Variants in WDR62 observed in about 807,000 individuals in gnomAD.
WDR62 encodes the protein WD repeat domain 62, also known as WD repeat-containing protein 62.
In WDR62, 112 loss-of-function variants were observed where a neutral mutation model predicts 160.6. The observed-to-expected ratio is 0.70, with a 90% CI of 0.60 to 0.82. WDR62 has a LOEUF of 0.82. WDR62 is among the 40% of genes least tolerant of loss of function. The probability of loss-of-function intolerance (pLI) is 0.00; values close to 1 mark genes in which losing one functional copy is unlikely to be tolerated. For missense variants in WDR62, 1,819 were observed against 1,983.8 expected (o/e 0.92, Z 1.58); for synonymous variants, 792 against 815.1 (o/e 0.97, Z 0.48).
chr19:36,068,764 C>A (rs1334246370), intron 7 of WDR62, among the ~76,000 whole-genome samples: 2 of 152,254 alleles, frequency 1.3e-5, no homozygotes, highest in Non-Finnish European at 2.9e-5. Context: ...TCTTTCTACA[C>A]AGACACAGCA....
chr19:36,078,155 T>G (rs913514797), intron 9 of WDR62, among the ~76,000 whole-genome samples: 8 of 151,450 alleles, frequency 5.3e-5, no homozygotes, highest in Non-Finnish European at 1.0e-4. Flanking sequence ...TTTTTTTGTT[T>G]TTTTTTTTTT....
intron 3 of WDR62, among the ~76,000 whole-genome samples, chr19:36,065,040 G>T (rs968455534): frequency 2.0e-5 from 3 of 152,182 alleles, no homozygotes; most frequent in Non-Finnish European, 4.4e-5. Flanking sequence ...ATTTCAGGAA[G>T]TCCCACACAG....
At chr19:36,110,467 G>A in the WDR62 span, among the ~76,000 whole-genome samples, 3 of 151,942 alleles carry the variant, frequency 2.0e-5, no homozygotes, top group Admixed American at 6.6e-5. Flanking sequence ...GTGAAACTCC[G>A]TCTCAAAAAA....
intron 21 of WDR62, among the ~76,000 whole-genome samples, chr19:36,097,425 TA>T (rs1482240486): frequency 2.0e-5 from 3 of 152,118 alleles, no homozygotes; most frequent in African/African-American, 4.8e-5. Context: ...AGAAGGAAAA[TA>T]CGTCAGCCAG....
In WDR62 at chr19:36,105,053, C is replaced by T. The variant is rs965379326; in HGVS notation, c.*25C>T. 4.4e-6 allele frequency: 7 copies of T among 1,587,390 alleles called. No homozygotes were observed. The highest frequency in any genetic ancestry group is 5.1e-6 in the Non-Finnish European group (6 of 1,173,650). ...AGGGCGCAGCCCCTCCACCGCAGCCCTGCTGCTTCTGAGGACTTAGGTATT... is the reference window on the plus strand; with the variant it reads ...AGGGCGCAGCCCCTCCACCGCAGCCTTGCTGCTTCTGAGGACTTAGGTATT... On this transcript the variant is annotated 3_prime_UTR_variant, in exon 32 of 32. Transcript: ENST00000401500.
chr19:36,066,475 A>G, intron 5 of WDR62, 48 bp downstream of exon 5: 1 of 1,555,406 alleles, frequency 6.4e-7, no homozygotes, highest in Non-Finnish European at 8.7e-7. Context: ...CTGCCACAGC[A>G]TCCTATGTCT....
rs1349554131 is a variant in WDR62, at chr19:36,055,111, G to A, written c.140G>A (p.Arg47Gln). 1.2e-6 allele frequency: 2 copies of A among 1,606,868 alleles called. No homozygotes were observed. The highest frequency in any genetic ancestry group is 2.2e-5 in the East Asian group (1 of 44,536). The change falls in exon 1 of 32, where the codon CGA (arginine) becomes CAA (glutamine). Residue 47 changes from arginine to glutamine, a missense_variant. Physicochemically the swap from Arg to Gln is conservative, Grantham distance 43. Coordinates refer to ENST00000401500, the MANE Select transcript of WDR62 (RefSeq NM_001083961.2). ...CCAATCTGCCTACGGCGGCGGACGCGACTCTCGACGGCCTCCGAGGAGACG... is the reference window on the plus strand; with the variant it reads ...CCAATCTGCCTACGGCGGCGGACGCAACTCTCGACGGCCTCCGAGGAGACG... ...APPICLRRRT[R>Q]LSTASEETVQ...
intron 10 of WDR62, among the ~76,000 whole-genome samples, chr19:36,082,523 G>A (rs534998618): frequency 6.6e-6 from 1 of 152,296 alleles, no homozygotes; most frequent in African/African-American, 2.4e-5. Flanking sequence ...TGCCCTGCAG[G>A]TGCACCTTTA....
In WDR62 at chr19:36,081,536, C is replaced by T. The variant is rs1421748965; in HGVS notation, c.1337C>T (p.Pro446Leu). 2.3e-5 allele frequency: 37 copies of T among 1,614,046 alleles called. No homozygotes were observed. The highest frequency in any genetic ancestry group is 3.1e-5 in the Non-Finnish European group (36 of 1,180,036). The change falls in exon 10 of 32, where the codon CCT becomes CTT. Residue 446 changes from proline to leucine, a missense_variant. Around this residue, in one of 3 missense-constraint regions of WDR62, gnomAD observed 934 missense variants for 1,157.2 expected, o/e 0.81. Coordinates refer to ENST00000401500, the MANE Select transcript of WDR62 (RefSeq NM_001083961.2). ...TIRFWNLDSS[P>L]DSHWQKNIFS... ...CGCTTCTGGAACTTGGACAGCAGCC[C>T]TGATTCTCACTGGCAGAAAAACATC...
In WDR62 at chr19:36,064,617, G is replaced by A. The variant is rs376154268; in HGVS notation, c.333-1341G>A. 2.0e-5 allele frequency among the ~76,000 whole-genome samples: 3 copies of A among 151,528 alleles called. No homozygotes were observed. In the East Asian group the frequency reaches 5.8e-4, roughly 29 times the overall value. ...TCTCTAGACGGAGTCTTGGTCTGTT[G>A]CCCAGGCTGGAGTGCAGCAGCACGA... On this transcript the variant is annotated intron_variant, in intron 3 of 31. Transcript: ENST00000401500.
the WDR62 span, among the ~76,000 whole-genome samples, chr19:36,110,223 C>A: frequency 6.6e-6 from 1 of 152,084 alleles, no homozygotes; most frequent in South Asian, 2.1e-4. Context: ...GTAATCCCAG[C>A]ACTTTGGGAG....
At chr19:36,068,836 T>A (rs4806259) in intron 7 of WDR62, among the ~76,000 whole-genome samples, 20,544 of 152,014 alleles carry the variant, frequency 0.14, 1,607 homozygotes, top group Middle Eastern at 0.25. Flanking sequence ...AAAACCGCCA[T>A]CGTCATCATG....
intron 23 of WDR62, 76 bp downstream of exon 23, chr19:36,100,951 C>G: frequency 6.2e-7 from 1 of 1,606,296 alleles, no homozygotes; most frequent in East Asian, 2.2e-5. Context: ...AAGAAGTGCT[C>G]TCTGCCTTCC....
chr19:36,073,482 G>T lies in WDR62; in HGVS notation c.1184G>T (p.Gly395Val). 1 of 1,614,122 alleles carries T rather than the reference G, an allele frequency of 6.2e-7. No homozygotes were observed. Among genetic ancestry groups the T allele is most frequent in the Non-Finnish European group, 8.5e-7 (1 of 1,180,036 alleles). Residue 395 changes from glycine (G) to valine (V), a missense_variant, in exon 9 of 32, where the codon GGC becomes GTC. Coordinates refer to ENST00000401500, the MANE Select transcript of WDR62 (RefSeq NM_001083961.2). ...IWDVKDINRV[G>V]KVWSELFHSS... ...GATGTCAAGGACATCAACAGAGTGG[G>T]CAAGGTGTGGTCAGAGCTCTTCCAC...
chr19:36,110,139 G>C, the WDR62 span, among the ~76,000 whole-genome samples: 1 of 152,014 alleles, frequency 6.6e-6, no homozygotes, highest in Non-Finnish European at 1.5e-5. Context: ...TGGCCAGTGT[G>C]CCGGGGTAGG....
chr19:36,066,207 G>T (rs369078283), intron 4 of WDR62, 50 bp from the exon 5 acceptor site: 2 of 1,612,674 alleles, frequency 1.2e-6, no homozygotes, highest in Non-Finnish European at 1.7e-6. Flanking sequence ...CAACCCTCTA[G>T]CCCTGCCCAG....
intron 3 of WDR62, 47 bp from the exon 4 acceptor site, chr19:36,065,910 TG>T: frequency 6.2e-7 from 1 of 1,600,502 alleles, no homozygotes; most frequent in Non-Finnish European, 8.6e-7. Context: ...GGGGTCTGGC[TG>T]GCCACCCTCA....
At chr19:36,109,215 C>T (rs1441363571), downstream of WDR62, among the ~76,000 whole-genome samples, 1 of 152,182 alleles carries the variant, frequency 6.6e-6, no homozygotes, top group African/African-American at 2.4e-5. Flanking sequence ...AGAACACCCT[C>T]CCCTTTCATC....
intron 7 of WDR62, chr19:36,070,468 T>A: frequency 6.6e-6 from 1 of 152,238 alleles, no homozygotes; most frequent in East Asian, 1.9e-4. Flanking sequence ...TATCGATACA[T>A]TGCAGAGCTT....
Sources: gnomAD v4.1 joint callset for allele counts (sites outside exome capture counted in the v4.1 genomes callset) on GRCh38, gnomAD v4.1.1 for gene constraint, gnomAD v4.1.1 regional missense constraint, MANE v1.5 for transcripts, NCBI Gene and HGNC (gene_info 2026-07-23, HGNC 2026-07-21) for gene names.